PSMA5: variants seen among roughly 807,000 people sequenced by gnomAD.
PSMA5 encodes the protein proteasome subunit alpha type-5.
PSMA5 carries 3 observed loss-of-function variants against 34.5 expected under a neutral mutation model. That is an observed-to-expected ratio of 0.09 (90% confidence interval 0.04 to 0.22). The LOEUF (loss-of-function observed/expected upper bound fraction) is 0.22, where lower values mean the gene tolerates loss of function less well. PSMA5 is among the 10% of genes least tolerant of loss of function. The pLI is 1.00. For synonymous variants in PSMA5, 88 were observed against 95.8 expected (o/e 0.92, Z 0.47); for missense variants, 120 against 286.1 (o/e 0.42, Z 4.19).
intron 2 of PSMA5, among the ~76,000 whole-genome samples, chr1:109,419,027 C>G (rs538918959): frequency 6.6e-6 from 1 of 152,156 alleles, no homozygotes; most frequent in Non-Finnish European, 1.5e-5. Context: ...GTGGCGCATG[C>G]CTGTAATCCC....
chr1:109,403,894 T>A (rs1413764215), intron 8 of PSMA5, among the ~76,000 whole-genome samples: 1 of 152,188 alleles, frequency 6.6e-6, no homozygotes, highest in African/African-American at 2.4e-5. Flanking sequence ...TAGATTCTCC[T>A]AAAAGATATA....
At chr1:109,414,172 A>G (rs1311887021) in intron 3 of PSMA5, among the ~76,000 whole-genome samples, 1 of 152,230 alleles carries the variant, frequency 6.6e-6, no homozygotes, top group African/African-American at 2.4e-5. Flanking sequence ...TTACACCACG[A>G]TGGCTTCAGT....
intron 2 of PSMA5, among the ~76,000 whole-genome samples, chr1:109,416,746 T>G (rs1456772075): frequency 6.6e-6 from 1 of 152,234 alleles, no homozygotes; most frequent in Non-Finnish European, 1.5e-5. Context: ...TGTCATGTAT[T>G]TTCTTAATCA....
intron 3 of PSMA5, among the ~76,000 whole-genome samples, chr1:109,414,159 A>G (rs551810871): frequency 4.1e-4 from 63 of 152,268 alleles, no homozygotes; most frequent in Non-Finnish European, 7.5e-4. Context: ...GGTATTTTAT[A>G]TTTTACACCA....
intron 8 of PSMA5, among the ~76,000 whole-genome samples, chr1:109,407,117 C>G (rs1268960084): frequency 6.6e-6 from 1 of 152,106 alleles, no homozygotes; most frequent in Non-Finnish European, 1.5e-5. Context: ...TCTGGAGTAG[C>G]TGGGACTATA....
chr1:109,415,492 G>A, intron 2 of PSMA5, 129 bp from the exon 3 acceptor site: 1 of 870,786 alleles, frequency 1.1e-6, no homozygotes, highest in Non-Finnish European at 1.6e-6. Context: ...GCAGAGAGAA[G>A]GAGCACCCTA....
intron 3 of PSMA5, among the ~76,000 whole-genome samples, chr1:109,413,788 T>C (rs1324477590): frequency 2.6e-5 from 4 of 152,228 alleles, no homozygotes; most frequent in Non-Finnish European, 5.9e-5. Context: ...GACCCCGTCT[T>C]CTTCCTTGGC....
intron 2 of PSMA5, among the ~76,000 whole-genome samples, chr1:109,417,759 A>G (rs1451823006): frequency 6.6e-6 from 1 of 152,240 alleles, no homozygotes; most frequent in Non-Finnish European, 1.5e-5. Flanking sequence ...TCTCCTGAGC[A>G]ATGTTTTTCA....
rs761985306 is a variant in PSMA5 at position 109,426,361 on chromosome 1, G to C, written c.-31C>G. 1 of 1,613,808 alleles carries C rather than the reference G, an allele frequency of 6.2e-7. No individual in the cohort carries two copies. The highest frequency in any genetic ancestry group is 8.5e-7 in the Non-Finnish European group (1 of 1,179,760). ...GGGTAGGAGGAGGCAGCGGCTACGC[G>C]GGGATTCTGAGGACCAACACGACTC... On this transcript the variant is annotated 5_prime_UTR_variant, in exon 1 of 9. Transcript: ENST00000271308.
At position 109,401,907 on chromosome 1, in the gene PSMA5, A is replaced by C; in HGVS notation, c.*106T>G. On this transcript the variant is annotated 3_prime_UTR_variant, in exon 9 of 9. Transcript: ENST00000271308. ...TTTATGTACAGACATCATTTAAAAA[A>C]TGCACATACAATGGAGATTTTCCAA... 1.2e-6 allele frequency: 1 copy of C among 845,156 alleles called. No individual in the cohort carries two copies. 52.4% of individuals were successfully genotyped at this position (845,156 alleles called of 1,614,324 possible).
At chr1:109,410,819 A>C (rs530174989) in intron 7 of PSMA5, among the ~76,000 whole-genome samples, 192 bp downstream of exon 7, 1 of 152,338 alleles carries the variant, frequency 6.6e-6, no homozygotes, top group African/African-American at 2.4e-5. Flanking sequence ...CATGGTGGTA[A>C]ACATGGTTGC....
In PSMA5 at chr1:109,401,518, GTTCAT is replaced by G. The variant is rs1353670556; in HGVS notation, c.*490_*494del. 1.3e-5 allele frequency: 2 copies of G among 152,356 alleles called. No homozygotes were observed. Among genetic ancestry groups the G allele is most frequent in the African/African-American group, 2.4e-5 (1 of 41,570 alleles). 9.4% of individuals were successfully genotyped at this position (152,356 alleles called of 1,614,324 possible). ...TTAACCACTGGGAAGAGCTGGACTAGTTCATTTATCAACACCATGGGATTAATGGA... is the reference window on the plus strand; with the variant it reads ...TTAACCACTGGGAAGAGCTGGACTAGTTATCAACACCATGGGATTAATGGA... On this transcript the variant is annotated 3_prime_UTR_variant, in exon 9 of 9. Coordinates refer to ENST00000271308, the MANE Select transcript of PSMA5 (RefSeq NM_002790.4).
chr1:109,419,636 C>T (rs552396400), intron 2 of PSMA5, among the ~76,000 whole-genome samples: 28 of 152,022 alleles, frequency 1.8e-4, no homozygotes, highest in African/African-American at 6.8e-4. Context: ...AACACCATCT[C>T]TACTAAAAAT....
At chr1:109,415,504 C>A in intron 2 of PSMA5, 141 bp from the exon 3 acceptor site, 1 of 707,456 alleles carries the variant, frequency 1.4e-6, no homozygotes, top group Admixed American at 3.5e-5. Flanking sequence ...AGCACCCTAA[C>A]ATACTGTAAG....
chr1:109,425,001 C>G (rs2100978040), intron 1 of PSMA5, among the ~76,000 whole-genome samples: 1 of 140,350 alleles, frequency 7.1e-6, no homozygotes, highest in African/African-American at 3.3e-5. Flanking sequence ...CAAACAAAAC[C>G]CAGGAGGGGG....
In PSMA5 at chr1:109,401,193, T is replaced by G. The variant is rs527304178; in HGVS notation, c.*820A>C. ...TGTAAACTGCTTCTGAATTTTACAA[T>G]TCTCTTACTGATATAGAGATTTGTA... On this transcript the variant is annotated 3_prime_UTR_variant, in exon 9 of 9. Transcript: ENST00000271308. The G allele has an allele frequency of 6.6e-6, 1 of 152,346 alleles. No individual in the cohort carries two copies. Among genetic ancestry groups the G allele is most frequent in the South Asian group, 2.1e-4 (1 of 4,822 alleles). 9.4% of individuals were successfully genotyped at this position (152,346 alleles called of 1,614,324 possible).
Position 109,410,966 on chromosome 1 carries a change from T to C in PSMA5, c.561+45A>G, listed in dbSNP as rs1653963166. Reference sequence around the variant, plus strand: ...TGCACATTTTATTATATGTAAATTATACCATGATAAAAAAATAGTAAGAGT... The same window carrying C: ...TGCACATTTTATTATATGTAAATTACACCATGATAAAAAAATAGTAAGAGT... On this transcript the variant is annotated intron_variant, in intron 7 of 8. Coordinates refer to ENST00000271308, the MANE Select transcript of PSMA5 (RefSeq NM_002790.4). The C allele has an allele frequency of 2.2e-6, 3 of 1,389,066 alleles. No individual in the cohort carries two copies. The Admixed American group carries it at 5.5e-5, about 25-fold the overall frequency. 86.0% of individuals were successfully genotyped at this position (1,389,066 alleles called of 1,614,324 possible).
chr1:109,412,167 G>A lies in PSMA5; in HGVS notation c.309C>T (p.Tyr103=), dbSNP rs1396692829. Residue 103 remains tyrosine, a synonymous_variant, in exon 5 of 9, where the codon TAC becomes TAT. Transcript: ENST00000271308. Reference sequence around the variant, plus strand: ...CACTCTCCACTGTCATTGTCTCATTGTAGGTGAACCAGTGGTTCTAGAAGA... The same window carrying A: ...CACTCTCCACTGTCATTGTCTCATTATAGGTGAACCAGTGGTTCTAGAAGA... ...RVETQNHWFT[Y]NETMTVESVT... 5.6e-6 allele frequency: 9 copies of A among 1,613,830 alleles called. No individual in the cohort carries two copies. The East Asian group carries it at 6.7e-5, about 12-fold the overall frequency.
intron 1 of PSMA5, chr1:109,426,027 C>G: frequency 1.8e-6 from 1 of 564,390 alleles, no homozygotes; most frequent in Non-Finnish European, 3.2e-6. Context: ...GTAGGAGTTC[C>G]GGCTCCTCAC....
Sources: gnomAD v4.1 joint callset for allele counts (sites outside exome capture counted in the v4.1 genomes callset) on GRCh38, gnomAD v4.1.1 for gene constraint, MANE v1.5 for transcripts, NCBI Gene and HGNC (gene_info 2026-07-23, HGNC 2026-07-21) for gene names.